FRMD4A: variants seen among roughly 807,000 people sequenced by gnomAD.
FRMD4A encodes the protein FERM domain containing 4A.
FRMD4A carries 29 observed loss-of-function variants against 129.1 expected under a neutral mutation model. The observed-to-expected ratio is 0.22, with a 90% CI of 0.17 to 0.31. The LOEUF (loss-of-function observed/expected upper bound fraction) is 0.31. FRMD4A is among the 10% of genes least tolerant of loss of function. The pLI is 1.00. For missense variants in FRMD4A, 1,272 were observed against 1,375.8 expected (o/e 0.92, Z 1.19); for synonymous variants, 634 against 571.6 (o/e 1.11, Z -1.56).
intron 2 of FRMD4A, among the ~76,000 whole-genome samples, chr10:14,286,694 G>C (rs771499882): frequency 6.6e-6 from 1 of 152,076 alleles, no homozygotes; most frequent in Non-Finnish European, 1.5e-5. Context: ...CATGCCCTTT[G>C]GAGGCCGTAA....
intron 2 of FRMD4A, among the ~76,000 whole-genome samples, chr10:14,221,818 G>T (rs951646503): frequency 6.6e-6 from 1 of 152,088 alleles, no homozygotes; most frequent in African/African-American, 2.4e-5. Flanking sequence ...CCCTCCCAAA[G>T]TGCTGGGGTT....
At chr10:13,728,966 T>C (rs1047132754) in intron 12 of FRMD4A, among the ~76,000 whole-genome samples, 2 of 152,180 alleles carry the variant, frequency 1.3e-5, no homozygotes, top group Non-Finnish European at 2.9e-5. Flanking sequence ...ATGTCTAGGA[T>C]TGATGCTTTG....
chr10:14,044,811 T>C (rs1565208180), intron 2 of FRMD4A, among the ~76,000 whole-genome samples: 1 of 152,228 alleles, frequency 6.6e-6, no homozygotes, highest in Non-Finnish European at 1.5e-5. Flanking sequence ...TCATAGAACA[T>C]TGTTTTCAAC....
At chr10:14,111,847 C>T (rs1282222267) in intron 2 of FRMD4A, among the ~76,000 whole-genome samples, 1 of 150,560 alleles carries the variant, frequency 6.6e-6, no homozygotes, top group African/African-American at 2.5e-5. Context: ...AGGGGGAGGA[C>T]ATCCTGCAGG....
chr10:14,062,478 C>A (rs1834861103), intron 2 of FRMD4A, among the ~76,000 whole-genome samples: 1 of 151,920 alleles, frequency 6.6e-6, no homozygotes, highest in African/African-American at 2.4e-5. Flanking sequence ...AAGTCTTAGC[C>A]ATTGAACTTC....
chr10:13,942,456 T>G (rs1463691747), intron 2 of FRMD4A, among the ~76,000 whole-genome samples: 3 of 152,126 alleles, frequency 2.0e-5, no homozygotes, highest in Admixed American at 1.3e-4. Flanking sequence ...AAGGCTACAC[T>G]GGAGCAGGTC....
chr10:13,947,096 C>G (rs2095337502), intron 2 of FRMD4A, among the ~76,000 whole-genome samples: 1 of 152,102 alleles, frequency 6.6e-6, no homozygotes, highest in African/African-American at 2.4e-5. Flanking sequence ...AGGAATCTAA[C>G]CACCTGAAAG....
intron 6 of FRMD4A, among the ~76,000 whole-genome samples, chr10:13,767,568 C>T (rs2092325937): frequency 6.6e-6 from 1 of 152,182 alleles, no homozygotes. Flanking sequence ...GGTTTCTGCT[C>T]AAGCAGAGGA....
chr10:14,212,455 C>T (rs1842958195), intron 2 of FRMD4A, among the ~76,000 whole-genome samples: 1 of 151,934 alleles, frequency 6.6e-6, no homozygotes, highest in African/African-American at 2.4e-5. Context: ...ATCTCATTTC[C>T]CCCTTAATGG....
At chr10:14,123,123 CA>C (rs57453220) in intron 2 of FRMD4A, among the ~76,000 whole-genome samples, 141,569 of 152,046 alleles carry the variant, frequency 0.93, 65,986 homozygotes, top group Non-Finnish European at 0.96. Context: ...GCAAAAAAAA[CA>C]AAAAAACAAA....
At chr10:14,206,380 G>C (rs566913244) in intron 2 of FRMD4A, among the ~76,000 whole-genome samples, 1 of 152,346 alleles carries the variant, frequency 6.6e-6, no homozygotes, top group South Asian at 2.1e-4. Flanking sequence ...CTCCATGCCA[G>C]AGGCCTGTGG....
chr10:13,733,046 C>T (rs186353519), intron 12 of FRMD4A, among the ~76,000 whole-genome samples: 2 of 152,300 alleles, frequency 1.3e-5, no homozygotes, highest in African/African-American at 4.8e-5. Flanking sequence ...TGATGTACAG[C>T]GGAGGTTAAG....
intron 2 of FRMD4A, among the ~76,000 whole-genome samples, chr10:14,236,579 T>G (rs1170716807): frequency 6.6e-6 from 1 of 152,160 alleles, no homozygotes; most frequent in Admixed American, 6.5e-5. Flanking sequence ...CCTCTGTGGA[T>G]GCTGAGGACC....
intron 4 of FRMD4A, among the ~76,000 whole-genome samples, chr10:13,801,794 T>C (rs895931231): frequency 2.0e-5 from 3 of 152,170 alleles, no homozygotes; most frequent in Non-Finnish European, 1.5e-5. Flanking sequence ...GGCTTTTGCT[T>C]TCCTATTTAA....
chr10:14,048,282 C>T (rs1453010720), intron 2 of FRMD4A, among the ~76,000 whole-genome samples: 2 of 152,124 alleles, frequency 1.3e-5, no homozygotes, highest in East Asian at 1.9e-4. Context: ...GGATTTGGAC[C>T]GGGAAGCAGG....
intron 2 of FRMD4A, among the ~76,000 whole-genome samples, chr10:13,891,102 G>C (rs532437602): frequency 5.3e-4 from 80 of 152,096 alleles, no homozygotes; most frequent in Non-Finnish European, 1.1e-3. Context: ...ACTAAAGGGG[G>C]TTCCCTTCTG....
Position 13,656,923 on chromosome 10 carries a change from T to C in FRMD4A, c.2666A>G (p.Asp889Gly), listed in dbSNP as rs1564526988. ...FKESWRGGGG[D>G]EGDTGRLTPS... ...CGTCAGGCGGCCCGTGTCGCCCTCG[T>C]CGCCGCCGCCGCCGCGCCAGCTCTC... The change falls in exon 22 of 25, where the codon GAC becomes GGC. Residue 889 changes from aspartate to glycine, a missense_variant. Transcript: ENST00000357447. 28 of 1,497,228 alleles carry C rather than the reference T, an allele frequency of 1.9e-5. No homozygotes were observed. The highest frequency in any genetic ancestry group is 2.9e-5 in the African/African-American group (2 of 69,048). 92.7% of individuals were successfully genotyped at this position (1,497,228 alleles called of 1,614,324 possible).
chr10:14,003,073 C>T (rs1303439846), intron 2 of FRMD4A, among the ~76,000 whole-genome samples: 1 of 152,014 alleles, frequency 6.6e-6, no homozygotes, highest in Non-Finnish European at 1.5e-5. Flanking sequence ...ACACAATCAC[C>T]CCTCGGTTTT....
At chr10:14,273,922 T>G (rs1411461800) in intron 2 of FRMD4A, among the ~76,000 whole-genome samples, 2 of 152,156 alleles carry the variant, frequency 1.3e-5, no homozygotes, top group African/African-American at 2.4e-5. Context: ...AACAATCAGT[T>G]ACATGAAGAA....
Sources: gnomAD v4.1 joint callset for allele counts (sites outside exome capture counted in the v4.1 genomes callset) on GRCh38, gnomAD v4.1.1 for gene constraint, MANE v1.5 for transcripts, NCBI Gene and HGNC (gene_info 2026-07-23, HGNC 2026-07-21) for gene names.